DDX43: variants seen among roughly 807,000 people sequenced by gnomAD.
DDX43 encodes the protein probable ATP-dependent RNA helicase DDX43.
Under a neutral mutation model 84.9 loss-of-function variants are expected in DDX43, and 50 were observed. The observed-to-expected ratio is 0.59, with a 90% confidence interval of 0.47 to 0.75. DDX43 has a LOEUF of 0.75. Among genes scored for constraint, DDX43 ranks in the 30% least tolerant of loss-of-function variants. DDX43 has a pLI of 0.00. For synonymous variants in DDX43, 291 were observed against 266.3 expected (o/e 1.09, Z -0.90); for missense variants, 689 against 798.6 (o/e 0.86, Z 1.65).
intron 8 of DDX43, 84 bp downstream of exon 8, chr6:73,407,699 C>A: frequency 1.9e-6 from 2 of 1,043,142 alleles, no homozygotes; most frequent in Non-Finnish European, 2.9e-6. Context: ...TCATTTTTCA[C>A]ACATTCAGAG....
chr6:73,407,734 A>G, intron 8 of DDX43, 119 bp downstream of exon 8: 1 of 841,098 alleles, frequency 1.2e-6, no homozygotes, highest in Non-Finnish European at 1.9e-6. Flanking sequence ...AGCATGGGTC[A>G]GGCATTTAGC....
chr6:73,411,886 C>T (rs928759682), intron 10 of DDX43, among the ~76,000 whole-genome samples: 2 of 151,940 alleles, frequency 1.3e-5, no homozygotes, highest in African/African-American at 4.8e-5. Context: ...TCAGTAGAGA[C>T]GTGGTTTTAT....
At chr6:73,414,425 A>G (rs1444420359) in intron 13 of DDX43, 123 bp from the exon 14 acceptor site, 1 of 896,638 alleles carries the variant, frequency 1.1e-6, no homozygotes, top group Admixed American at 2.6e-5. Flanking sequence ...TTCACAAAGT[A>G]AGCATTTTAA....
chr6:73,416,292 A>G (rs1353738010), intron 16 of DDX43, 41 bp downstream of exon 16: 11 of 781,698 alleles, frequency 1.4e-5, no homozygotes, highest in Non-Finnish European at 2.0e-5. Flanking sequence ...ATGCCTGCTT[A>G]CTTAAACTAG....
intron 6 of DDX43, 122 bp downstream of exon 6, chr6:73,405,957 G>A: frequency 1.1e-6 from 1 of 896,260 alleles, no homozygotes; most frequent in Non-Finnish European, 1.6e-6. Context: ...TCTCCCTAGA[G>A]TTCAAAAAAT....
chr6:73,415,502 C>T lies in DDX43; in HGVS notation c.1751C>T (p.Thr584Ile), dbSNP rs1395636751. The change falls in exon 15 of 17, where the codon ACT (threonine) becomes ATT (isoleucine). Residue 584 changes from threonine to isoleucine, a missense_variant. Around this residue, in one of 2 missense-constraint regions of DDX43, gnomAD observed 552 missense variants for 692.7 expected, o/e 0.80. Coordinates refer to ENST00000370336, the MANE Select transcript of DDX43 (RefSeq NM_018665.3). Reference sequence around the variant, plus strand: ...TTTTTTCCCCCACACTAAAGGAGGACTGGTGTTTCCATTACAACTTTGACT... The same window carrying T: ...TTTTTTCCCCCACACTAAAGGAGGATTGGTGTTTCCATTACAACTTTGACT... ...RIGRTGRAGRTGVSITTLTRN... is the reference protein window; with the variant it reads ...RIGRTGRAGRIGVSITTLTRN... The T allele has an allele frequency of 2.5e-6, 4 of 1,610,992 alleles. No homozygotes were observed. Among genetic ancestry groups the T allele is most frequent in the Non-Finnish European group, 3.4e-6 (4 of 1,177,626 alleles).
chr6:73,412,694 C>T lies in DDX43; in HGVS notation c.1368+402C>T, dbSNP rs560006366. ...GCGCGCGCGCGTGTGTGTGTGTGCGCGTGCGTGCGCACGCATGTGCAAGTG... is the reference window on the plus strand; with the variant it reads ...GCGCGCGCGCGTGTGTGTGTGTGCGTGTGCGTGCGCACGCATGTGCAAGTG... On this transcript the variant is annotated intron_variant, in intron 11 of 16. Transcript: ENST00000370336. Among the ~76,000 whole-genome samples, 272 of 127,084 alleles carry T rather than the reference C, an allele frequency of 2.1e-3. 6 individuals are homozygous for T. Among genetic ancestry groups the T allele is most frequent in the African/African-American group, 7.7e-3 (255 of 33,324 alleles). 83.4% of individuals were successfully genotyped at this position (127,084 alleles called of 152,430 possible).
chr6:73,395,137 T>G lies in DDX43; in HGVS notation c.232T>G (p.Phe78Val), dbSNP rs376929047. The G allele has an allele frequency of 5.4e-5, 87 of 1,613,224 alleles. 1 individual carries two copies. The East Asian group carries it at 8.0e-4, about 15-fold the overall frequency. The change falls in exon 1 of 17, where the codon TTT becomes GTT. Residue 78 changes from phenylalanine to valine, a missense_variant. Physicochemically the swap from Phe to Val is conservative, Grantham distance 50. This residue lies in a region of DDX43 where 137 missense variants were observed against 105.9 expected (regional missense o/e 1.29). Transcript: ENST00000370336. ...GCTGTGTTTTGCTTTGAAGAGCCAC[T>G]TTGTTGGCGCGGTAATCGGTGAGAA... ...LPLCFALKSH[F>V]VGAVIGRGGS...
At chr6:73,414,397 G>A (rs748425734) in intron 13 of DDX43, 151 bp from the exon 14 acceptor site, 20 of 711,214 alleles carry the variant, frequency 2.8e-5, no homozygotes, top group Admixed American at 2.1e-4. Flanking sequence ...GTAACTTGCC[G>A]GCAGTTACTT....
chr6:73,411,572 G>A (rs927806291), intron 10 of DDX43, among the ~76,000 whole-genome samples: 6 of 151,570 alleles, frequency 4.0e-5, no homozygotes, highest in East Asian at 1.9e-4. Context: ...CAAGTGATCC[G>A]CCTCTCCTCA....
At position 73,397,610 on chromosome 6, in the gene DDX43, G is replaced by A. The variant is rs1769497391; in HGVS notation, c.251-79G>A. ...CATTTGGGGGGAAGAACTAGAGAAT[G>A]TTTGTTGAGGAAAATGGGTAAATTT... On this transcript the variant is annotated intron_variant, in intron 1 of 16. Transcript: ENST00000370336. The A allele has an allele frequency of 4.3e-6, 5 of 1,151,802 alleles. No homozygotes were observed. In the Admixed American group the frequency reaches 9.0e-5, roughly 21 times the overall value. 71.3% of individuals were successfully genotyped at this position (1,151,802 alleles called of 1,614,324 possible).
At chr6:73,403,178 A>C (rs1352220104) in intron 4 of DDX43, among the ~76,000 whole-genome samples, 4 of 152,136 alleles carry the variant, frequency 2.6e-5, no homozygotes, top group African/African-American at 9.7e-5. Context: ...CTTTTAAGAA[A>C]TGTAGTTAGG....
At chr6:73,412,638 AGTGTGTGTGTGT>A (rs66577187) in intron 11 of DDX43, among the ~76,000 whole-genome samples, 1,305 of 59,594 alleles carry the variant, frequency 0.022, 33 homozygotes, top group African/African-American at 0.064. Flanking sequence ...ATATATATAT[AGTGTGTGTGTGT>A]GTGTGTGTGT....
Position 73,401,959 on chromosome 6 carries a change from AG to A in DDX43, c.539del (p.Gly180ValfsTer2), listed in dbSNP as rs775599140. ...TAGATTGGGATCAAATTAGAGAGGAAGGTTTGAAATGGCAAAAAACAAAGTG... is the reference window on the plus strand; with the variant it reads ...TAGATTGGGATCAAATTAGAGAGGAAGTTTGAAATGGCAAAAAACAAAGTG... Reference protein sequence around the residue: ...LIDWDQIREEGLKWQKTKWAD... With the variant: ...LIDWDQIREEXLKWQKTKWAD... On this transcript the variant is annotated frameshift_variant, in exon 4 of 17. Transcript: ENST00000370336. LOFTEE classifies it high-confidence loss of function. 1 of 1,614,130 alleles carries A rather than the reference AG, an allele frequency of 6.2e-7. No individual in the cohort carries two copies.
chr6:73,415,332 ACTATCATATACCC>A (rs1274806377), intron 14 of DDX43, among the ~76,000 whole-genome samples, 152 bp from the exon 15 acceptor site: 1 of 152,108 alleles, frequency 6.6e-6, no homozygotes, highest in Non-Finnish European at 1.5e-5. Flanking sequence ...AATAAGAGGT[ACTATCATATACCC>A]CCTTTGCTGT....
chr6:73,412,638 A>AGAGTGTGTGTGTGT (rs1554236109), intron 11 of DDX43, among the ~76,000 whole-genome samples: 1 of 59,634 alleles, frequency 1.7e-5, no homozygotes, highest in Non-Finnish European at 4.1e-5. Context: ...ATATATATAT[A>AGAGTGTGTGTGTGT]GTGTGTGTGT....
chr6:73,397,316 A>G (rs1310100540), intron 1 of DDX43, among the ~76,000 whole-genome samples: 1 of 152,200 alleles, frequency 6.6e-6, no homozygotes, highest in Non-Finnish European at 1.5e-5. Context: ...TGAACATCTC[A>G]TGCCTGTTGG....
chr6:73,409,206 C>T (rs1211012697), intron 9 of DDX43, 42 bp from the exon 10 acceptor site: 7 of 1,438,002 alleles, frequency 4.9e-6, no homozygotes, highest in Non-Finnish European at 5.9e-6. Context: ...TATTACCTGC[C>T]TCCCATATCT....
chr6:73,405,604 C>G, intron 5 of DDX43, 75 bp from the exon 6 acceptor site: 2 of 1,450,022 alleles, frequency 1.4e-6, no homozygotes, highest in Non-Finnish European at 9.5e-7. Context: ...TAGATAAGAC[C>G]AGCACTGATT....
Sources: allele counts gnomAD v4.1 joint callset (sites outside exome capture counted in the v4.1 genomes callset), GRCh38; gene constraint gnomAD v4.1.1; regional missense constraint gnomAD v4.1.1; transcripts MANE v1.5; gene names NCBI Gene and HGNC (gene_info 2026-07-23, HGNC 2026-07-21).